TAFA1: variants seen among roughly 807,000 people sequenced by gnomAD.
TAFA1 encodes TAFA chemokine like family member 1, also known as chemokine-like protein TAFA-1.
TAFA1 carries 4 observed loss-of-function variants against 18.5 expected under a neutral mutation model. The observed-to-expected ratio is 0.22, with a 90% CI of 0.11 to 0.49. TAFA1 has a LOEUF of 0.49. Ranked by LOEUF, TAFA1 falls within the 20% of genes least tolerant of loss-of-function variation. The probability of loss-of-function intolerance (pLI) is 0.98; values close to 1 mark genes in which losing one functional copy is unlikely to be tolerated. For missense variants in TAFA1, 147 were observed against 169.0 expected (o/e 0.87, Z 0.72); for synonymous variants, 56 against 55.2 (o/e 1.01, Z -0.06).
At chr3:68,357,093 A>T (rs262247) in intron 2 of TAFA1, among the ~76,000 whole-genome samples, 1 of 151,660 alleles carries the variant, frequency 6.6e-6, no homozygotes, top group African/African-American at 2.4e-5. Context: ...TGCCAATCAC[A>T]CTGTAAACTC....
chr3:68,090,445 C>A (rs2065016940), intron 2 of TAFA1, among the ~76,000 whole-genome samples: 2 of 152,052 alleles, frequency 1.3e-5, no homozygotes, highest in Admixed American at 1.3e-4. Flanking sequence ...GATTGGAAAC[C>A]ACAACTCAAA....
chr3:68,104,877 G>A (rs1295905129), intron 2 of TAFA1, among the ~76,000 whole-genome samples: 1 of 152,082 alleles, frequency 6.6e-6, no homozygotes, highest in African/African-American at 2.4e-5. Flanking sequence ...GTCTGCTTTT[G>A]CATTGCAATA....
At chr3:68,536,582 G>A (rs1435220682) in intron 3 of TAFA1, among the ~76,000 whole-genome samples, 1 of 152,170 alleles carries the variant, frequency 6.6e-6, no homozygotes, top group Non-Finnish European at 1.5e-5. Context: ...TTTGGGAAGA[G>A]CTAACACAGG....
At chr3:68,256,118 C>A (rs1559581060) in intron 2 of TAFA1, among the ~76,000 whole-genome samples, 2 of 152,026 alleles carry the variant, frequency 1.3e-5, no homozygotes, top group Admixed American at 6.6e-5. Context: ...CTCCAAGCAC[C>A]TTTAGACTGA....
At chr3:68,179,825 T>C (rs1455417377) in intron 2 of TAFA1, among the ~76,000 whole-genome samples, 1 of 152,058 alleles carries the variant, frequency 6.6e-6, no homozygotes, top group East Asian at 1.9e-4. Context: ...CTTGAATGCA[T>C]GCTCCTGAAA....
intron 2 of TAFA1, among the ~76,000 whole-genome samples, chr3:68,244,004 T>C (rs1031623835): frequency 2.6e-5 from 4 of 152,184 alleles, no homozygotes; most frequent in Non-Finnish European, 4.4e-5. Flanking sequence ...TGAAGTCTCA[T>C]TGTGGTTTTA....
chr3:68,500,002 A>C (rs1021358949), intron 3 of TAFA1, among the ~76,000 whole-genome samples: 1 of 152,188 alleles, frequency 6.6e-6, no homozygotes, highest in Admixed American at 6.5e-5. Flanking sequence ...CATAGCCTCA[A>C]ATGATGCCAT....
chr3:68,254,167 A>G (rs1434817155), intron 2 of TAFA1, among the ~76,000 whole-genome samples: 3 of 151,442 alleles, frequency 2.0e-5, no homozygotes, highest in African/African-American at 7.3e-5. Flanking sequence ...CTGTCTATCT[A>G]TCTATCTATC....
chr3:68,514,174 G>A (rs2106735806), intron 3 of TAFA1, among the ~76,000 whole-genome samples: 1 of 152,226 alleles, frequency 6.6e-6, no homozygotes, highest in East Asian at 1.9e-4. Context: ...CACTTTGGAG[G>A]TTAGGAATTC....
In TAFA1 at chr3:68,348,599, T is replaced by C. The variant is rs2069208322; in HGVS notation, c.119-68681T>C. Reference sequence around the variant, plus strand: ...GGAACATTTAAGCTGTAAGATCCAATTCAGGCATCCTGTTTCTCTCTGAGC... The same window carrying C: ...GGAACATTTAAGCTGTAAGATCCAACTCAGGCATCCTGTTTCTCTCTGAGC... On this transcript the variant is annotated intron_variant, in intron 2 of 4. Coordinates refer to ENST00000478136, the MANE Select transcript of TAFA1 (RefSeq NM_213609.4). 2.6e-5 allele frequency among the ~76,000 whole-genome samples: 4 copies of C among 152,152 alleles called. No individual in the cohort carries two copies. The South Asian group carries it at 8.3e-4, about 32-fold the overall frequency.
chr3:68,452,630 T>A (rs1008221637), intron 3 of TAFA1, among the ~76,000 whole-genome samples: 1 of 151,786 alleles, frequency 6.6e-6, no homozygotes. Context: ...AGCAGCCATG[T>A]GAGTTTGAAT....
chr3:68,098,397 A>G (rs1046160434), intron 2 of TAFA1, among the ~76,000 whole-genome samples: 1 of 152,182 alleles, frequency 6.6e-6, no homozygotes, highest in African/African-American at 2.4e-5. Context: ...TCAGTTTCCA[A>G]TACCATAAAA....
At chr3:68,007,463 C>G (rs987293333) in intron 2 of TAFA1, among the ~76,000 whole-genome samples, 1 of 152,106 alleles carries the variant, frequency 6.6e-6, no homozygotes, top group Non-Finnish European at 1.5e-5. Flanking sequence ...CCTTCTTTGC[C>G]TCTCCAGCTT....
chr3:68,019,182 T>C (rs1704628731), intron 2 of TAFA1, among the ~76,000 whole-genome samples: 1 of 152,218 alleles, frequency 6.6e-6, no homozygotes, highest in African/African-American at 2.4e-5. Context: ...TCTTGGGCAG[T>C]TAGCTTGTTG....
intron 2 of TAFA1, among the ~76,000 whole-genome samples, chr3:68,065,575 T>G (rs2106735479): frequency 6.6e-6 from 1 of 152,162 alleles, no homozygotes; most frequent in East Asian, 1.9e-4. Context: ...ATCAATGCCT[T>G]TTGACTTAGA....
At chr3:68,450,987 T>G (rs1394760608) in intron 3 of TAFA1, among the ~76,000 whole-genome samples, 1 of 152,182 alleles carries the variant, frequency 6.6e-6, no homozygotes, top group Non-Finnish European at 1.5e-5. Flanking sequence ...TACATTACTT[T>G]CCTGAAGAAA....
rs562307355 is a variant in TAFA1, at chr3:68,503,702, G to A, written c.260-35054G>A. ...TTAGTTATGTGAATTTTACCGAATC[G>A]TTTTTTGAAAAATCATTCCTAGTAG... On this transcript the variant is annotated intron_variant, in intron 3 of 4. Transcript: ENST00000478136. Among the ~76,000 whole-genome samples the A allele has an allele frequency of 7.8e-4, 119 of 152,102 alleles. 1 individual carries two copies. The highest frequency in any genetic ancestry group is 3.4e-3 in the Middle Eastern group (1 of 294).
intron 2 of TAFA1, among the ~76,000 whole-genome samples, chr3:68,356,433 GA>G (rs1363470222): frequency 6.6e-6 from 1 of 151,874 alleles, no homozygotes; most frequent in Non-Finnish European, 1.5e-5. Context: ...GAAAGGAAAG[GA>G]AACATGTAGA....
At chr3:68,384,510 T>C (rs2070047944) in intron 2 of TAFA1, among the ~76,000 whole-genome samples, 1 of 152,164 alleles carries the variant, frequency 6.6e-6, no homozygotes, top group African/African-American at 2.4e-5. Flanking sequence ...TCTAATTTCA[T>C]TGTGCTATGG....
Sources: gnomAD v4.1 joint callset for allele counts (sites outside exome capture counted in the v4.1 genomes callset) on GRCh38, gnomAD v4.1.1 for gene constraint, MANE v1.5 for transcripts, NCBI Gene and HGNC (gene_info 2026-07-23, HGNC 2026-07-21) for gene names.